The following RBM25 variants were observed in gnomAD, a reference collection of about 807,000 sequenced individuals.
The protein encoded by RBM25 is RNA binding motif protein 25, also known as RNA-binding protein 25.
In RBM25, 19 loss-of-function variants were observed where a neutral mutation model predicts 120.7. The observed-to-expected ratio is 0.16, with a 90% CI of 0.11 to 0.23. The LOEUF is 0.23. Ranked by LOEUF, RBM25 falls within the 10% of genes least tolerant of loss-of-function variation. The pLI, the probability that RBM25 is intolerant of heterozygous loss-of-function variation, is 1.00. For synonymous variants in RBM25, 390 were observed against 326.7 expected (o/e 1.19, Z -2.09); for missense variants, 605 against 1,041.5 (o/e 0.58, Z 5.77).
rs1407792507 is a variant in RBM25, at chr14:73,111,159, C to T, written c.2017+4C>T. On this transcript the variant is annotated splice_donor_region_variant and intron_variant, in intron 15 of 18. Coordinates refer to ENST00000261973, the MANE Select transcript of RBM25 (RefSeq NM_021239.3). ...ATAGGACTAAGTCTTAAACTGGGTA[C>T]GTTAGCATTTCCTTCCTTCTTTATT... 14 of 1,586,898 alleles carry T rather than the reference C, an allele frequency of 8.8e-6. No individual in the cohort carries two copies. Among genetic ancestry groups the T allele is most frequent in the African/African-American group, 1.3e-5 (1 of 74,172 alleles).
chr14:73,059,017 G>C (rs1361606421), intron 1 of RBM25, among the ~76,000 whole-genome samples: 1 of 151,322 alleles, frequency 6.6e-6, no homozygotes, highest in Non-Finnish European at 1.5e-5. Context: ...TGCCCCCCCT[G>C]GGCTCCACGT....
chr14:73,083,581 A>G (rs1442345009), intron 5 of RBM25, 30 bp downstream of exon 5: 1 of 1,520,464 alleles, frequency 6.6e-7, no homozygotes, highest in African/African-American at 1.4e-5. Context: ...ATTTGCTGAA[A>G]TCACTTTAAC....
At chr14:73,088,740 T>A (rs1389779462) in intron 6 of RBM25, among the ~76,000 whole-genome samples, 1 of 152,246 alleles carries the variant, frequency 6.6e-6, no homozygotes, top group Non-Finnish European at 1.5e-5. Flanking sequence ...CTTTTTGGCA[T>A]CTCATGCTGA....
chr14:73,071,132 C>T (rs1193983386), intron 1 of RBM25, among the ~76,000 whole-genome samples: 2 of 151,056 alleles, frequency 1.3e-5, no homozygotes, highest in Admixed American at 1.3e-4. Flanking sequence ...GTCCCAGCTA[C>T]TTGGGAGGCT....
chr14:73,109,306 G>C, intron 13 of RBM25, 36 bp from the exon 14 acceptor site: 10 of 1,594,962 alleles, frequency 6.3e-6, no homozygotes, highest in Non-Finnish European at 8.5e-6. Context: ...AATGATCGGA[G>C]TATTAAATGA....
Position 73,075,655 on chromosome 14 carries a change from A to C in RBM25, c.107-664A>C, listed in dbSNP as rs75879273. Among the ~76,000 whole-genome samples, 1,103 of 152,312 alleles carry C rather than the reference A, an allele frequency of 7.2e-3. 16 individuals carry two copies. Among genetic ancestry groups the C allele is most frequent in the African/African-American group, 0.025 (1,058 of 41,572 alleles). Reference sequence around the variant, plus strand: ...GAATGACTAAATTGAGCTAATTAACACTTGGTGTATTACTTTACATACTTA... The same window carrying C: ...GAATGACTAAATTGAGCTAATTAACCCTTGGTGTATTACTTTACATACTTA... On this transcript the variant is annotated intron_variant, in intron 2 of 18. Coordinates refer to ENST00000261973, the MANE Select transcript of RBM25 (RefSeq NM_021239.3).
At chr14:73,069,161 C>T (rs1895214914) in intron 1 of RBM25, among the ~76,000 whole-genome samples, 1 of 152,210 alleles carries the variant, frequency 6.6e-6, no homozygotes, top group African/African-American at 2.4e-5. Flanking sequence ...GCTTTGGCCT[C>T]CCAAAGTGTT....
At chr14:73,114,516 C>A (rs1362738806) in intron 18 of RBM25, among the ~76,000 whole-genome samples, 183 bp downstream of exon 18, 1 of 152,148 alleles carries the variant, frequency 6.6e-6, no homozygotes, top group Non-Finnish European at 1.5e-5. Flanking sequence ...GCCACCACAC[C>A]TGGCCAGAAA....
intron 12 of RBM25, chr14:73,107,224 A>C (rs1483195032): frequency 6.6e-6 from 1 of 152,234 alleles, no homozygotes; most frequent in Non-Finnish European, 1.5e-5. Flanking sequence ...CAAAGAGCAT[A>C]TTTATTGTAG....
intron 3 of RBM25, 121 bp from the exon 4 acceptor site, chr14:73,077,248 C>T (rs1895443791): frequency 3.7e-6 from 3 of 820,620 alleles, no homozygotes; most frequent in Non-Finnish European, 5.5e-6. Context: ...AGTATACAAG[C>T]ATGCAGAGCT....
At chr14:73,088,301 A>G (rs575080847) in intron 6 of RBM25, 140 bp downstream of exon 6, 23 of 1,114,658 alleles carry the variant, frequency 2.1e-5, no homozygotes, top group Non-Finnish European at 2.8e-5. Context: ...AGGGTATTTT[A>G]TAGTTTGTAG....
rs1895873918 is a variant in RBM25 at position 73,093,944 on chromosome 14, TTTTG to T, written c.544-2967_544-2964del. Among the ~76,000 whole-genome samples the T allele has an allele frequency of 2.1e-5, 3 of 140,040 alleles. No homozygotes were observed. The South Asian group carries it at 6.7e-4, about 31-fold the overall frequency. The allele number at this position is 140,040 out of a possible 152,430, so 91.9% of individuals were successfully genotyped here. ...AACCTGATCATCTACCATGATCAGG[TTTTG>T]TTTTTTTTTTTTTTTTTTCTTGAGA... On this transcript the variant is annotated intron_variant, in intron 6 of 18. Coordinates refer to ENST00000261973, the MANE Select transcript of RBM25 (RefSeq NM_021239.3).
intron 1 of RBM25, among the ~76,000 whole-genome samples, chr14:73,059,588 G>T (rs145897386): frequency 6.6e-6 from 1 of 152,186 alleles, no homozygotes; most frequent in Non-Finnish European, 1.5e-5. Context: ...GACCTCTGTT[G>T]CACCCTACTG....
At chr14:73,063,140 A>G (rs1317423528) in intron 1 of RBM25, among the ~76,000 whole-genome samples, 1 of 148,958 alleles carries the variant, frequency 6.7e-6, no homozygotes, top group Non-Finnish European at 1.5e-5. Flanking sequence ...TGTTTTTATT[A>G]TCGTGGGCTA....
At position 73,073,349 on chromosome 14, in the gene RBM25, G is replaced by T. The variant is rs1895338587; in HGVS notation, c.106+1602G>T. Among the ~76,000 whole-genome samples, 4 of 152,102 alleles carry T rather than the reference G, an allele frequency of 2.6e-5. No homozygotes were observed. In the South Asian group the frequency reaches 8.3e-4, roughly 32 times the overall value. ...CCCCAAGATAAATATGGGAATTTCT[G>T]TGGAATATTATTTAACACTTCAAGA... is the stretch of plus-strand genomic sequence containing the variant. On this transcript the variant is annotated intron_variant, in intron 2 of 18. Transcript: ENST00000261973.
chr14:73,068,306 C>G (rs1462365190), intron 1 of RBM25: 1 of 792,608 alleles, frequency 1.3e-6, no homozygotes, highest in Non-Finnish European at 2.2e-6. Flanking sequence ...TTGTGAGTAC[C>G]AAAGGATTTC....
intron 7 of RBM25, 70 bp downstream of exon 7, chr14:73,097,170 T>A (rs1895958376): frequency 1.0e-6 from 1 of 994,740 alleles, no homozygotes; most frequent in Non-Finnish European, 1.4e-6. Flanking sequence ...ATACTTTGAT[T>A]ACATGTCAGT....
intron 13 of RBM25, among the ~76,000 whole-genome samples, chr14:73,108,945 T>C (rs780018679): frequency 1.3e-5 from 2 of 152,230 alleles, no homozygotes; most frequent in Non-Finnish European, 2.9e-5. Flanking sequence ...AGTGAATAAA[T>C]TGAGGATACA....
intron 2 of RBM25, among the ~76,000 whole-genome samples, chr14:73,074,349 A>G (rs147329524): frequency 2.8e-4 from 42 of 152,234 alleles, no homozygotes; most frequent in Admixed American, 5.9e-4. Flanking sequence ...CCTACTGAGT[A>G]GCTGAGACTA....
Sources: gnomAD v4.1 joint callset for allele counts (sites outside exome capture counted in the v4.1 genomes callset) on GRCh38, gnomAD v4.1.1 for gene constraint, MANE v1.5 for transcripts, NCBI Gene and HGNC (gene_info 2026-07-23, HGNC 2026-07-21) for gene names.